Variants in ERG observed in about 807,000 individuals in gnomAD.
ERG encodes the protein transcriptional regulator ERG.
Under a neutral mutation model 55.3 loss-of-function variants are expected in ERG, and 9 were observed. The observed-to-expected ratio is 0.16, with a 90% CI of 0.10 to 0.28. The LOEUF (loss-of-function observed/expected upper bound fraction) is 0.28. ERG is among the 10% of genes least tolerant of loss of function. The pLI is 1.00. For synonymous variants in ERG, 223 were observed against 237.3 expected, an observed-to-expected ratio of 0.94 and a Z score of 0.55; for missense variants, 434 against 631.6, an observed-to-expected ratio of 0.69 and a Z score of 3.35.
At chr21:38,561,094 G>C (rs796149521) in intron 2 of ERG, among the ~76,000 whole-genome samples, 7 of 151,782 alleles carry the variant, frequency 4.6e-5, no homozygotes, top group African/African-American at 1.7e-4. Flanking sequence ...CCTAACCTAA[G>C]GGTTATGTTG....
chr21:38,640,278 T>C (rs981510730), intron 1 of ERG, among the ~76,000 whole-genome samples: 22 of 152,186 alleles, frequency 1.4e-4, no homozygotes, highest in Admixed American at 1.4e-3. Context: ...GTTATAATAA[T>C]GTTACAAATG....
chr21:38,507,445 G>A (rs1427431394), intron 2 of ERG, among the ~76,000 whole-genome samples: 2 of 152,184 alleles, frequency 1.3e-5, no homozygotes, highest in Non-Finnish European at 2.9e-5. Context: ...CCATCTTCCC[G>A]GAGCCCCAGT....
chr21:38,419,516 T>TACACAC (rs76492704), intron 3 of ERG, among the ~76,000 whole-genome samples: 1 of 150,722 alleles, frequency 6.6e-6, no homozygotes, highest in African/African-American at 2.4e-5. Flanking sequence ...AAAATACACA[T>TACACAC]ACACACACAC....
intron 9 of ERG, among the ~76,000 whole-genome samples, chr21:38,386,950 G>A (rs184652176): frequency 3.3e-5 from 5 of 152,238 alleles, no homozygotes; most frequent in East Asian, 3.9e-4. Context: ...GAAAGGGAGC[G>A]GCTGTGGCTT....
upstream of ERG, among the ~76,000 whole-genome samples, chr21:38,500,041 T>TC (rs3838108): frequency 0.3 from 45,308 of 152,062 alleles, 8,064 homozygotes; most frequent in Non-Finnish European, 0.39. Flanking sequence ...AAATTCTGTT[T>TC]CCCCGAAAAT....
intron 2 of ERG, among the ~76,000 whole-genome samples, chr21:38,555,251 C>T (rs1160184892): frequency 1.3e-5 from 2 of 151,438 alleles, no homozygotes; most frequent in South Asian, 2.1e-4. Flanking sequence ...TGCTTGAGCC[C>T]GGGAGACGGA....
intron 1 of ERG, among the ~76,000 whole-genome samples, chr21:38,650,456 C>A (rs1412863255): frequency 1.3e-5 from 2 of 151,952 alleles, no homozygotes; most frequent in Non-Finnish European, 2.9e-5. Flanking sequence ...GGCAACATGG[C>A]GAAACCCTGT....
At chr21:38,430,706 G>T (rs1472242158) in intron 2 of ERG, among the ~76,000 whole-genome samples, 3 of 152,174 alleles carry the variant, frequency 2.0e-5, no homozygotes, top group Non-Finnish European at 4.4e-5. Context: ...CAATGGCTGG[G>T]ATATTAAAAA....
chr21:38,649,382 C>G (rs773939246), intron 1 of ERG, among the ~76,000 whole-genome samples: 1 of 152,188 alleles, frequency 6.6e-6, no homozygotes, highest in African/African-American at 2.4e-5. Flanking sequence ...TGGACACCAA[C>G]CCTTCCCTGC....
At chr21:38,436,859 A>G (rs1426754313) in intron 2 of ERG, among the ~76,000 whole-genome samples, 1 of 141,448 alleles carries the variant, frequency 7.1e-6, no homozygotes, top group Non-Finnish European at 1.6e-5. Context: ...CCTTTGGTAG[A>G]CCATGAGCTC....
chr21:38,647,586 G>A (rs989555353), intron 1 of ERG, among the ~76,000 whole-genome samples: 5 of 152,078 alleles, frequency 3.3e-5, no homozygotes, highest in African/African-American at 1.2e-4. Flanking sequence ...GAAAACAGGA[G>A]GTTGGTCATG....
chr21:38,412,543 C>A (rs993352842), intron 3 of ERG, among the ~76,000 whole-genome samples: 1 of 152,162 alleles, frequency 6.6e-6, no homozygotes, highest in East Asian at 1.9e-4. Flanking sequence ...GATCTACCCT[C>A]ACCTTAATCA....
At chr21:38,484,378 A>G (rs1050288168) in intron 1 of ERG, among the ~76,000 whole-genome samples, 1 of 152,168 alleles carries the variant, frequency 6.6e-6, no homozygotes, top group East Asian at 1.9e-4. Flanking sequence ...AAATAGCTTG[A>G]CTTTTTAACC....
rs149078434 is a variant in ERG, at chr21:38,519,989, C to CCACA, written c.-41+55669_-41+55672dup. 2.0e-5 allele frequency among the ~76,000 whole-genome samples: 3 copies of CCACA among 151,334 alleles called. No individual in the cohort carries two copies. In the South Asian group the frequency reaches 6.3e-4, roughly 32 times the overall value. On this transcript the variant is annotated intron_variant, in intron 2 of 8. Coordinates refer to the ERG transcript ENST00000398897. ...CTGTTTGTATGATATCCCCATGTCACCACACACACACACATACAGACACAC... is the reference window on the plus strand; with the variant it reads ...CTGTTTGTATGATATCCCCATGTCACCACACACACACACACACATACAGACACAC...
intron 2 of ERG, among the ~76,000 whole-genome samples, chr21:38,524,901 C>T (rs570053081): frequency 2.4e-4 from 37 of 152,312 alleles, no homozygotes; most frequent in African/African-American, 8.2e-4. Flanking sequence ...AAAGAGAATT[C>T]TCCAGCCTTC....
upstream of ERG, among the ~76,000 whole-genome samples, chr21:38,589,488 G>A (rs1289786748): frequency 6.6e-6 from 1 of 152,220 alleles, no homozygotes; most frequent in Non-Finnish European, 1.5e-5. Context: ...CCCAACACCA[G>A]TGTAAATCCT....
At chr21:38,404,513 G>A (rs1043104799) in intron 3 of ERG, among the ~76,000 whole-genome samples, 4 of 152,180 alleles carry the variant, frequency 2.6e-5, no homozygotes, top group African/African-American at 9.7e-5. Context: ...AACGCCAGCC[G>A]GGATGTCCTG....
At chr21:38,505,090 C>A (rs533384276) in intron 2 of ERG, among the ~76,000 whole-genome samples, 3 of 152,270 alleles carry the variant, frequency 2.0e-5, no homozygotes, top group African/African-American at 7.2e-5. Context: ...TTCAGCATCA[C>A]CTCATTTGAT....
chr21:38,541,270 A>G (rs1180720922), intron 2 of ERG, among the ~76,000 whole-genome samples: 1 of 152,202 alleles, frequency 6.6e-6, no homozygotes. Context: ...AAATTGGAAG[A>G]GAAGTCCAGA....
Sources: gnomAD v4.1 joint callset for allele counts (sites outside exome capture counted in the v4.1 genomes callset) on GRCh38, gnomAD v4.1.1 for gene constraint, MANE v1.5 for transcripts, NCBI Gene and HGNC (gene_info 2026-07-23, HGNC 2026-07-21) for gene names.